Variants in AUTS2 observed in about 807,000 individuals in gnomAD.
The protein encoded by AUTS2 is activator of transcription and developmental regulator AUTS2, also known as autism susceptibility gene 2 protein.
Under a neutral mutation model 112.4 loss-of-function variants are expected in AUTS2, and 17 were observed. The observed-to-expected ratio is 0.15, with a 90% CI of 0.10 to 0.23. AUTS2 has a LOEUF of 0.23. AUTS2 is among the 10% of genes least tolerant of loss of function. The pLI is 1.00. For missense variants in AUTS2, 1,510 were observed against 1,701.6 expected, an observed-to-expected ratio of 0.89 and a Z score of 1.98; for synonymous variants, 751 against 702.7, an observed-to-expected ratio of 1.07 and a Z score of -1.09.
chr7:70,143,047 T>C (rs972899074), intron 4 of AUTS2, among the ~76,000 whole-genome samples: 2 of 152,190 alleles, frequency 1.3e-5, no homozygotes, highest in Admixed American at 6.6e-5. Context: ...ACTTAAAAAA[T>C]ATTTTTGCTG....
chr7:70,435,825 C>G, intron 5 of AUTS2, 44 bp downstream of exon 5: 2 of 1,598,426 alleles, frequency 1.3e-6, no homozygotes, highest in Middle Eastern at 1.7e-4. Context: ...ACATAACACA[C>G]TGAACACCAG....
At chr7:70,004,410 T>C (rs1199213232) in intron 2 of AUTS2, among the ~76,000 whole-genome samples, 1 of 59,476 alleles carries the variant, frequency 1.7e-5, no homozygotes, top group Non-Finnish European at 2.7e-5. Context: ...TATATGTGAA[T>C]ATATAATATA....
chr7:70,519,071 A>G (rs970650562), intron 5 of AUTS2, among the ~76,000 whole-genome samples: 3 of 152,166 alleles, frequency 2.0e-5, no homozygotes, highest in African/African-American at 7.2e-5. Context: ...AAAAAAAATC[A>G]AAACACTAAA....
intron 2 of AUTS2, among the ~76,000 whole-genome samples, chr7:69,990,076 A>G (rs1354174272): frequency 2.0e-5 from 3 of 152,220 alleles, no homozygotes; most frequent in Non-Finnish European, 4.4e-5. Flanking sequence ...AAGAAGAGTA[A>G]TTCAAAAAAC....
chr7:69,832,528 A>G (rs1276385563), intron 1 of AUTS2, among the ~76,000 whole-genome samples: 1 of 152,168 alleles, frequency 6.6e-6, no homozygotes, highest in East Asian at 1.9e-4. Context: ...TCTCTCTCCC[A>G]TGGGTCAACT....
intron 1 of AUTS2, among the ~76,000 whole-genome samples, chr7:69,813,954 T>C (rs1790651409): frequency 6.6e-6 from 1 of 152,182 alleles, no homozygotes; most frequent in South Asian, 2.1e-4. Context: ...GTCTTGCTTG[T>C]GGTTCAACAG....
At chr7:70,108,097 G>C (rs1804870314) in intron 2 of AUTS2, among the ~76,000 whole-genome samples, 1 of 152,022 alleles carries the variant, frequency 6.6e-6, no homozygotes, top group South Asian at 2.1e-4. Flanking sequence ...TCATGGGATA[G>C]TCACTAATGA....
chr7:70,229,077 G>C (rs1162309626), intron 4 of AUTS2, among the ~76,000 whole-genome samples: 1 of 151,686 alleles, frequency 6.6e-6, no homozygotes, highest in African/African-American at 2.4e-5. Context: ...TACAAGTACT[G>C]ATTTATGTAG....
chr7:70,030,479 T>C (rs1369199865), intron 2 of AUTS2, among the ~76,000 whole-genome samples: 2 of 152,168 alleles, frequency 1.3e-5, no homozygotes, highest in Non-Finnish European at 2.9e-5. Flanking sequence ...AAGTTTCCCA[T>C]ATGACATCCT....
intron 1 of AUTS2, among the ~76,000 whole-genome samples, chr7:69,868,493 A>C (rs1181654079): frequency 6.6e-6 from 1 of 152,208 alleles, no homozygotes; most frequent in Non-Finnish European, 1.5e-5. Flanking sequence ...GTTTTTATCC[A>C]AGACTAGCTT....
At chr7:69,645,353 C>A (rs555147334) in intron 1 of AUTS2, among the ~76,000 whole-genome samples, 18 of 152,066 alleles carry the variant, frequency 1.2e-4, no homozygotes, top group Non-Finnish European at 2.1e-4. Flanking sequence ...AAATGCATAT[C>A]TGTAAGTAAG....
chr7:69,773,709 G>C (rs1234468543), intron 1 of AUTS2, among the ~76,000 whole-genome samples: 2 of 152,166 alleles, frequency 1.3e-5, no homozygotes, highest in African/African-American at 4.8e-5. Flanking sequence ...CAGGAGAACG[G>C]AGAAGGGTGC....
chr7:69,925,917 T>C (rs946996261), intron 2 of AUTS2, among the ~76,000 whole-genome samples: 1 of 152,168 alleles, frequency 6.6e-6, no homozygotes, highest in Non-Finnish European at 1.5e-5. Context: ...GCTTAGGAGA[T>C]GGAGGTAGGA....
At chr7:70,717,482 C>G (rs28667779) in intron 6 of AUTS2, among the ~76,000 whole-genome samples, 1,656 of 152,244 alleles carry the variant, frequency 0.011, 25 homozygotes, top group African/African-American at 0.038. Flanking sequence ...TCTAACTCAC[C>G]CTTCGAGGAT....
chr7:70,696,860 T>C (rs1051280288), intron 5 of AUTS2, among the ~76,000 whole-genome samples: 3 of 151,742 alleles, frequency 2.0e-5, no homozygotes, highest in Non-Finnish European at 2.9e-5. Context: ...TAAAACACTT[T>C]AATAAACAGG....
In AUTS2 at chr7:70,792,591, TG is replaced by T. The variant is rs1792042229; in HGVS notation, c.*1596del. 6.6e-6 allele frequency: 1 copy of T among 151,130 alleles called. No homozygotes were observed. Among genetic ancestry groups the T allele is most frequent in the South Asian group, 2.1e-4 (1 of 4,794 alleles). The allele number at this position is 151,130 out of a possible 1,614,324, so 9.4% of individuals were successfully genotyped here. On this transcript the variant is annotated 3_prime_UTR_variant, in exon 19 of 19. Transcript: ENST00000342771. ...AGGTTTAGTTGTGAGCTTCAGATTTTGTGAACTCCAGATGTTGTGCGGTGTT... is the reference window on the plus strand; with the variant it reads ...AGGTTTAGTTGTGAGCTTCAGATTTTTGAACTCCAGATGTTGTGCGGTGTT...
chr7:69,984,333 G>C lies in AUTS2; in HGVS notation c.522+84835G>C, dbSNP rs555148070. Among the ~76,000 whole-genome samples the C allele has an allele frequency of 2.6e-3, 394 of 151,314 alleles. 1 individual carries two copies. Among genetic ancestry groups the C allele is most frequent in the African/African-American group, 9.1e-3 (375 of 41,150 alleles). ...GAGGCAGGAGAATGGCGTGAACTCA[G>C]GAGGTGGAGCTTGCAGTGAGCCAAG... On this transcript the variant is annotated intron_variant, in intron 2 of 18. Transcript: ENST00000342771.
chr7:70,457,037 A>G (rs547774839), intron 5 of AUTS2, among the ~76,000 whole-genome samples: 6 of 152,226 alleles, frequency 3.9e-5, no homozygotes, highest in South Asian at 2.1e-4. Flanking sequence ...AATGTGTTCT[A>G]TTTTCTCAAA....
At chr7:70,174,094 A>G (rs1808856950) in intron 4 of AUTS2, among the ~76,000 whole-genome samples, 1 of 152,262 alleles carries the variant, frequency 6.6e-6, no homozygotes, top group African/African-American at 2.4e-5. Flanking sequence ...CTGTTGGCCA[A>G]GTTGTGAATG....
Sources: allele counts gnomAD v4.1 joint callset (sites outside exome capture counted in the v4.1 genomes callset), GRCh38; gene constraint gnomAD v4.1.1; transcripts MANE v1.5; gene names NCBI Gene and HGNC (gene_info 2026-07-23, HGNC 2026-07-21).